Variants in XRRA1 observed in about 807,000 individuals in gnomAD.
XRRA1 encodes the protein X-ray radiation resistance-associated protein 1.
Under a neutral mutation model 80.2 loss-of-function variants are expected in XRRA1, and 69 were observed. That is an observed-to-expected ratio of 0.86 (90% CI 0.71 to 1.05). The LOEUF is 1.05. XRRA1 is among the 50% of genes least tolerant of loss of function. XRRA1 has a pLI of 0.00. For synonymous variants in XRRA1, 348 were observed against 389.9 expected (o/e 0.89, Z 1.27); for missense variants, 967 against 976.4 (o/e 0.99, Z 0.13).
chr11:74,886,882 G>C (rs1048941473), intron 10 of XRRA1, among the ~76,000 whole-genome samples: 1 of 152,170 alleles, frequency 6.6e-6, no homozygotes, highest in African/African-American at 2.4e-5. Context: ...TAGGCCAATG[G>C]AACAGGTTAG....
At chr11:74,932,070 C>G (rs1943716858) in intron 5 of XRRA1, among the ~76,000 whole-genome samples, 1 of 152,108 alleles carries the variant, frequency 6.6e-6, no homozygotes, top group Admixed American at 6.5e-5. Flanking sequence ...TATTTTTCTA[C>G]TGGGTTTCTC....
intron 10 of XRRA1, among the ~76,000 whole-genome samples, chr11:74,868,157 G>A (rs1442146843): frequency 6.6e-6 from 1 of 152,058 alleles, no homozygotes; most frequent in Admixed American, 6.6e-5. Context: ...GGCCTCAAGT[G>A]ATCCACCTGC....
intron 3 of XRRA1, among the ~76,000 whole-genome samples, chr11:74,939,180 C>T (rs1294702243): frequency 6.6e-6 from 1 of 151,966 alleles, no homozygotes; most frequent in African/African-American, 2.4e-5. Flanking sequence ...GGTGAAACCC[C>T]ATCTCTATAA....
At chr11:74,844,321 C>G in intron 16 of XRRA1, 38 bp from the exon 17 acceptor site, 1 of 1,483,142 alleles carries the variant, frequency 6.7e-7, no homozygotes, top group Non-Finnish European at 9.4e-7. Flanking sequence ...AGGCACTTCC[C>G]CCTCCTCCTC....
At chr11:74,897,734 A>C (rs183379162) in intron 10 of XRRA1, among the ~76,000 whole-genome samples, 72 of 151,514 alleles carry the variant, frequency 4.8e-4, no homozygotes, top group Non-Finnish European at 8.4e-4. Context: ...AAAAAAAAAA[A>C]CTTTAACCCC....
intron 12 of XRRA1, among the ~76,000 whole-genome samples, chr11:74,857,816 A>G (rs2135794755): frequency 6.6e-6 from 1 of 152,376 alleles, no homozygotes; most frequent in African/African-American, 2.4e-5. Context: ...CACCTAGAAG[A>G]GCCCCCATAT....
intron 10 of XRRA1, among the ~76,000 whole-genome samples, chr11:74,902,335 A>G (rs573838038): frequency 6.6e-6 from 1 of 152,312 alleles, no homozygotes; most frequent in Admixed American, 6.5e-5. Context: ...AATTAGCACA[A>G]CCACTATGAA....
chr11:74,937,072 T>C lies in XRRA1; in HGVS notation c.95-4A>G. 2 of 1,610,948 alleles carry C rather than the reference T, an allele frequency of 1.2e-6. No individual in the cohort carries two copies. The highest frequency in any genetic ancestry group is 1.7e-6 in the Non-Finnish European group (2 of 1,178,490). On this transcript the variant is annotated splice_region_variant and splice_polypyrimidine_tract_variant and intron_variant, in intron 3 of 18. Transcript: ENST00000684022. ...ACCACTAACCAGTGTCCTTGGCCTG[T>C]TGAGAAAATTAGAACAGTGAAAAGG... is the stretch of plus-strand genomic sequence containing the variant.
intron 10 of XRRA1, among the ~76,000 whole-genome samples, chr11:74,895,898 C>G (rs1248829326): frequency 6.6e-6 from 1 of 152,164 alleles, no homozygotes; most frequent in East Asian, 1.9e-4. Flanking sequence ...AGCTCCCTGA[C>G]AACATTTCTA....
chr11:74,930,829 G>A (rs577190880), intron 5 of XRRA1, among the ~76,000 whole-genome samples: 3 of 151,860 alleles, frequency 2.0e-5, no homozygotes, highest in African/African-American at 7.3e-5. Context: ...TTTGAGACAG[G>A]GTCTCACTTC....
At chr11:74,903,909 AG>A (rs1358654579) in intron 10 of XRRA1, among the ~76,000 whole-genome samples, 2 of 152,172 alleles carry the variant, frequency 1.3e-5, no homozygotes, top group Non-Finnish European at 2.9e-5. Flanking sequence ...CCAAGATAAA[AG>A]TAGACATTTA....
intron 14 of XRRA1, among the ~76,000 whole-genome samples, chr11:74,849,009 C>T (rs2039075708): frequency 6.6e-6 from 1 of 152,196 alleles, no homozygotes; most frequent in Non-Finnish European, 1.5e-5. Flanking sequence ...ATAGATCTCT[C>T]TGAAAGATTC....
chr11:74,944,032 G>A (rs1946978489), intron 2 of XRRA1, among the ~76,000 whole-genome samples: 1 of 152,116 alleles, frequency 6.6e-6, no homozygotes, highest in South Asian at 2.1e-4. Flanking sequence ...ATATTGCCCA[G>A]ACTGGTCTCA....
At chr11:74,934,082 C>T (rs530985536) in intron 4 of XRRA1, among the ~76,000 whole-genome samples, 1 of 152,260 alleles carries the variant, frequency 6.6e-6, no homozygotes, top group Non-Finnish European at 1.5e-5. Context: ...TTGCTGAATA[C>T]ATTAACAAAC....
intron 10 of XRRA1, among the ~76,000 whole-genome samples, chr11:74,904,724 T>C (rs1835463864): frequency 6.6e-6 from 1 of 152,076 alleles, no homozygotes; most frequent in Admixed American, 6.5e-5. Context: ...CAGTACTATA[T>C]TGTTTTTAAG....
intron 10 of XRRA1, among the ~76,000 whole-genome samples, chr11:74,894,283 T>A (rs915909954): frequency 6.6e-6 from 1 of 151,962 alleles, no homozygotes; most frequent in Non-Finnish European, 1.5e-5. Context: ...GGGTAAAGGG[T>A]GAGGACTGAA....
chr11:74,872,349 G>A (rs1233876365), intron 10 of XRRA1, among the ~76,000 whole-genome samples: 1 of 152,132 alleles, frequency 6.6e-6, no homozygotes, highest in African/African-American at 2.4e-5. Context: ...AATATTAGAA[G>A]GAAACTGTAG....
chr11:74,842,791 CT>C lies in XRRA1; in HGVS notation c.*408del. 2 of 189,396 alleles carry C rather than the reference CT, an allele frequency of 1.1e-5. No homozygotes were observed. The highest frequency in any genetic ancestry group is 2.2e-5 in the Non-Finnish European group (2 of 91,086). The allele number at this position is 189,396 out of a possible 1,614,324, so 11.7% of individuals were successfully genotyped here. A position where few individuals can be genotyped will look rare whatever the true frequency, so the allele number is the denominator to read the frequency against. ...ACAAGATCTGGTTTTTAAAAATACC[CT>C]TTTTTGGAGCCATTGTTCAGGAATT... On this transcript the variant is annotated 3_prime_UTR_variant, in exon 19 of 19. Coordinates refer to ENST00000684022, the MANE Select transcript of XRRA1 (RefSeq NM_001378157.1).
intron 3 of XRRA1, 87 bp downstream of exon 3, chr11:74,940,698 G>A (rs899134097): frequency 1.0e-5 from 11 of 1,065,110 alleles, no homozygotes; most frequent in Admixed American, 8.1e-5. Context: ...AGTAGTGAAG[G>A]GGTTGGAGAA....
Sources: gnomAD v4.1 joint callset for allele counts (sites outside exome capture counted in the v4.1 genomes callset) on GRCh38, gnomAD v4.1.1 for gene constraint, MANE v1.5 for transcripts, NCBI Gene and HGNC (gene_info 2026-07-23, HGNC 2026-07-21) for gene names.